BRSK2: variants seen among roughly 807,000 people sequenced by gnomAD.
The protein encoded by BRSK2 is serine/threonine-protein kinase BRSK2.
BRSK2 carries 19 observed loss-of-function variants against 83.3 expected under a neutral mutation model. The observed-to-expected ratio is 0.23, with a 90% CI of 0.16 to 0.33. The LOEUF is 0.33. BRSK2 is among the 10% of genes least tolerant of loss of function. BRSK2 has a pLI of 1.00. For missense variants in BRSK2, 798 were observed against 1,042.3 expected, an observed-to-expected ratio of 0.77 and a Z score of 3.23; for synonymous variants, 519 against 435.4, an observed-to-expected ratio of 1.19 and a Z score of -2.39.
chr11:1,421,700 G>A (rs1419488871), intron 1 of BRSK2, among the ~76,000 whole-genome samples: 7 of 152,066 alleles, frequency 4.6e-5, no homozygotes, highest in Non-Finnish European at 7.4e-5. Context: ...CTCCTGTGTC[G>A]GGGCTGTTAC....
intron 15 of BRSK2, 107 bp downstream of exon 15, chr11:1,451,526 G>A: frequency 4.2e-6 from 5 of 1,190,168 alleles, no homozygotes; most frequent in East Asian, 2.4e-5. Flanking sequence ...TCTCCACGTG[G>A]CCCCACCTCC....
At chr11:1,403,963 C>T (rs945620881) in intron 1 of BRSK2, among the ~76,000 whole-genome samples, 2 of 152,174 alleles carry the variant, frequency 1.3e-5, no homozygotes, top group African/African-American at 2.4e-5. Context: ...GGCGGTGGGC[C>T]TGGTCAGATG....
intron 1 of BRSK2, among the ~76,000 whole-genome samples, chr11:1,424,503 C>G (rs1848978603): frequency 6.6e-6 from 1 of 152,206 alleles, no homozygotes; most frequent in South Asian, 2.1e-4. Flanking sequence ...ACCCCCTTCA[C>G]TGGGGTGGGG....
At chr11:1,436,825 G>A (rs1393586159) in intron 2 of BRSK2, among the ~76,000 whole-genome samples, 1 of 152,090 alleles carries the variant, frequency 6.6e-6, no homozygotes. Context: ...TTGGCATGCA[G>A]GGCTGCGGGT....
intron 12 of BRSK2, chr11:1,447,856 G>A: frequency 6.3e-7 from 1 of 1,596,616 alleles, no homozygotes; most frequent in Non-Finnish European, 8.5e-7. Context: ...ATTCAGCAAA[G>A]AAGACAGGTA....
At chr11:1,434,114 C>T (rs774603823) in intron 1 of BRSK2, among the ~76,000 whole-genome samples, 1 of 152,228 alleles carries the variant, frequency 6.6e-6, no homozygotes, top group Admixed American at 6.5e-5. Flanking sequence ...CACACATGTG[C>T]GTGCACCAGG....
chr11:1,452,622 C>T (rs750246005), intron 15 of BRSK2, among the ~76,000 whole-genome samples: 6 of 150,440 alleles, frequency 4.0e-5, no homozygotes, highest in Non-Finnish European at 6.0e-5. Context: ...CCCAAGGGCC[C>T]GGCACAGACA....
chr11:1,433,748 C>G (rs76355760), intron 1 of BRSK2, among the ~76,000 whole-genome samples: 1 of 152,226 alleles, frequency 6.6e-6, no homozygotes, highest in Admixed American at 6.5e-5. Context: ...GAATCACAAG[C>G]CTTGTGCTGG....
rs375492367 is a variant in BRSK2 at position 1,440,946 on chromosome 11, G to T, written c.413+18G>T. The T allele has an allele frequency of 1.9e-6, 3 of 1,600,922 alleles. No homozygotes were observed. The highest frequency in any genetic ancestry group is 2.2e-5 in the South Asian group (2 of 90,402). On this transcript the variant is annotated intron_variant, in intron 4 of 19. Coordinates refer to ENST00000528841, the MANE Select transcript of BRSK2 (RefSeq NM_001256627.2). ...TCCATATGGTGAGGCCCCACCCCTG[G>T]TGCCCCCCACTCCCCAGGGACCCCC...
At chr11:1,451,251 G>A in intron 14 of BRSK2, 120 bp from the exon 15 acceptor site, 2 of 1,193,876 alleles carry the variant, frequency 1.7e-6, no homozygotes, top group South Asian at 1.3e-5. Flanking sequence ...CCCCTGGGGG[G>A]GCTGTCCCAG....
In BRSK2 at chr11:1,454,665, G is replaced by T; in HGVS notation, c.1668+57G>T. On this transcript the variant is annotated intron_variant, in intron 16 of 19. Coordinates refer to ENST00000528841, the MANE Select transcript of BRSK2 (RefSeq NM_001256627.2). The surrounding 1 kb of genome is among the most constrained non-coding windows in gnomAD (Gnocchi z 5.2). The stretch of plus-strand genomic sequence containing the variant: ...AGCCCTCCCAACCCCACACGGCCCA[G>T]CCCCGAGAATCCAGCCTCCTCACGT... 1 of 1,598,302 alleles carries T rather than the reference G, an allele frequency of 6.3e-7. No homozygotes were observed.
At chr11:1,414,916 G>A (rs9971385) in intron 1 of BRSK2, among the ~76,000 whole-genome samples, 40,980 of 151,946 alleles carry the variant, frequency 0.27, 5,690 homozygotes, top group Middle Eastern at 0.44. Context: ...GAGGCTGAAC[G>A]CACTTACCTG....
rs1458097077 is a variant in BRSK2 at position 1,461,056 on chromosome 11, C to T, written c.*333C>T. The T allele has an allele frequency of 1.4e-5, 23 of 1,603,090 alleles. No homozygotes were observed. Among genetic ancestry groups the T allele is most frequent in the East Asian group, 2.2e-5 (1 of 44,722 alleles). Reference sequence around the variant, plus strand: ...CTGCTGCGGACCCGCCCTCCCTCCGCTCCTGCTGTTGCTGCCGGGCAGTGA... The same window carrying T: ...CTGCTGCGGACCCGCCCTCCCTCCGTTCCTGCTGTTGCTGCCGGGCAGTGA... On this transcript the variant is annotated 3_prime_UTR_variant, in exon 20 of 20. Coordinates refer to ENST00000528841, the MANE Select transcript of BRSK2 (RefSeq NM_001256627.2).
intron 1 of BRSK2, among the ~76,000 whole-genome samples, chr11:1,398,882 G>GC (rs979370359): frequency 9.2e-5 from 14 of 152,124 alleles, no homozygotes; most frequent in African/African-American, 1.4e-4. Context: ...GGAGCCTGGA[G>GC]CCCCCCCAGC....
intron 7 of BRSK2, 32 bp from the exon 8 acceptor site, chr11:1,443,457 C>A (rs1448724946): frequency 1.3e-6 from 2 of 1,574,340 alleles, no homozygotes; most frequent in Non-Finnish European, 1.7e-6. Flanking sequence ...ACCTGCCCCC[C>A]CACGCTGACC....
rs1401280284 is a variant in BRSK2 at position 1,456,773 on chromosome 11, C to T, written c.1939+86C>T. ...CTGCGCGGACGGGAGGCGTGAGGAC[C>T]CGGGCGCAGCCTCCTGGCCCCTCTT... On this transcript the variant is annotated intron_variant, in intron 18 of 19. Coordinates refer to ENST00000528841, the MANE Select transcript of BRSK2 (RefSeq NM_001256627.2). The T allele has an allele frequency of 7.8e-5, 110 of 1,407,918 alleles. 1 individual carries two copies. The East Asian group carries it at 2.7e-3, about 34-fold the overall frequency. 87.2% of individuals were successfully genotyped at this position (1,407,918 alleles called of 1,614,324 possible).
rs773165029 is a variant in BRSK2 at position 1,438,278 on chromosome 11, G to A, written c.187-28G>A. The A allele has an allele frequency of 5.6e-6, 9 of 1,609,066 alleles. No individual in the cohort carries two copies. The highest frequency in any genetic ancestry group is 5.0e-5 in the Admixed American group (3 of 59,976). ...CGATGCGTGCCCCAGCCCTGTGAGCGTGATGTTCTCTGGCCTCTCCCATGC... is the reference window on the plus strand; with the variant it reads ...CGATGCGTGCCCCAGCCCTGTGAGCATGATGTTCTCTGGCCTCTCCCATGC... On this transcript the variant is annotated intron_variant, in intron 2 of 19. Coordinates refer to ENST00000528841, the MANE Select transcript of BRSK2 (RefSeq NM_001256627.2). The surrounding 1 kb of genome is among the most constrained non-coding windows in gnomAD (Gnocchi z 6.4).
chr11:1,423,349 G>A lies in BRSK2; in HGVS notation c.92-12691G>A, dbSNP rs930304509. On this transcript the variant is annotated intron_variant, in intron 1 of 19. Coordinates refer to ENST00000528841, the MANE Select transcript of BRSK2 (RefSeq NM_001256627.2). The surrounding 1 kb of genome is among the most constrained non-coding windows in gnomAD (Gnocchi z 6.5). ...GACCTCGTAAATACTTCAGTGCAGA[G>A]CCTTCAGTTAGGAGCCGAGGCCTCT... 6.6e-6 allele frequency among the ~76,000 whole-genome samples: 1 copy of A among 152,164 alleles called. No homozygotes were observed. The highest frequency in any genetic ancestry group is 2.4e-5 in the African/African-American group (1 of 41,448).
intron 1 of BRSK2, among the ~76,000 whole-genome samples, chr11:1,429,370 T>C (rs1349980082): frequency 1.3e-5 from 2 of 151,928 alleles, no homozygotes; most frequent in Non-Finnish European, 2.9e-5. Flanking sequence ...TGTGGGTGTG[T>C]GCACATGGGT....
Sources: gnomAD v4.1 joint callset for allele counts (sites outside exome capture counted in the v4.1 genomes callset) on GRCh38, gnomAD v4.1.1 for gene constraint, Gnocchi (gnomAD v3.1) non-coding constraint, MANE v1.5 for transcripts, NCBI Gene and HGNC (gene_info 2026-07-23, HGNC 2026-07-21) for gene names.